GRIA2: variants seen among roughly 807,000 people sequenced by gnomAD.
GRIA2 encodes the protein glutamate receptor 2.
GRIA2 carries 14 observed loss-of-function variants against 97.3 expected under a neutral mutation model. The ratio of observed to expected loss-of-function variants is 0.14; its 90% CI spans 0.10 to 0.23. The LOEUF is 0.23. GRIA2 is among the 10% of genes least tolerant of loss of function. The pLI is 1.00. For synonymous variants in GRIA2, 412 were observed against 387.8 expected, an observed-to-expected ratio of 1.06 and a Z score of -0.73; for missense variants, 558 against 1,069.8, an observed-to-expected ratio of 0.52 and a Z score of 6.67.
intron 6 of GRIA2, among the ~76,000 whole-genome samples, chr4:157,324,620 A>G (rs920933808): frequency 6.6e-6 from 1 of 152,306 alleles, no homozygotes; most frequent in East Asian, 1.9e-4. Flanking sequence ...AGGCAACAGC[A>G]TGACAGATCC....
rs1343048509 is a variant in GRIA2, at chr4:157,364,115, T to G, written c.*684T>G. 6.6e-6 allele frequency: 1 copy of G among 152,526 alleles called. No homozygotes were observed. The highest frequency in any genetic ancestry group is 1.5e-5 in the Non-Finnish European group (1 of 68,000). The allele number at this position is 152,526 out of a possible 1,614,324, so 9.4% of individuals were successfully genotyped here. A position where few individuals can be genotyped will look rare whatever the true frequency, so the allele number is the denominator to read the frequency against. On this transcript the variant is annotated 3_prime_UTR_variant, in exon 16 of 16. Coordinates refer to ENST00000264426, the MANE Select transcript of GRIA2 (RefSeq NM_001083619.3). ...AGGCTTTAGGTATCGATTCCATATT[T>G]TTCAAAGCCAAATATGTAAATGCTA...
intron 2 of GRIA2, among the ~76,000 whole-genome samples, chr4:157,299,975 G>GTTTC (rs948489133): frequency 1.3e-5 from 2 of 152,080 alleles, no homozygotes; most frequent in African/African-American, 4.8e-5. Flanking sequence ...GAGGATTCAT[G>GTTTC]TTTCTTTCTT....
intron 12 of GRIA2, among the ~76,000 whole-genome samples, chr4:157,352,164 CT>C (rs1178287152): frequency 1.3e-5 from 2 of 152,068 alleles, no homozygotes; most frequent in African/African-American, 4.8e-5. Flanking sequence ...TGTTAAGTGA[CT>C]TTTTTATTTT....
At chr4:157,259,985 C>G (rs944758685) in intron 2 of GRIA2, among the ~76,000 whole-genome samples, 3 of 152,148 alleles carry the variant, frequency 2.0e-5, no homozygotes, top group Non-Finnish European at 4.4e-5. Context: ...GAATTCTTCT[C>G]ATTCCTACTC....
At chr4:157,261,399 T>C (rs1204998753) in intron 2 of GRIA2, among the ~76,000 whole-genome samples, 1 of 152,134 alleles carries the variant, frequency 6.6e-6, no homozygotes, top group Non-Finnish European at 1.5e-5. Context: ...CATTGCCTTG[T>C]GTATATTAAA....
chr4:157,244,070 A>T (rs560295210), intron 2 of GRIA2, among the ~76,000 whole-genome samples: 13 of 152,122 alleles, frequency 8.5e-5, no homozygotes, highest in African/African-American at 2.9e-4. Flanking sequence ...AGGAGGTAAG[A>T]CCTGAGCTGA....
rs117515606 is a variant in GRIA2 at position 157,295,148 on chromosome 4, A to G, written c.230-8404A>G. ...AATGTTATAGATTTTTTAAAGCTGC[A>G]TATAATATGGGCAACAGCAATAAAC... On this transcript the variant is annotated intron_variant, in intron 2 of 15. Coordinates refer to ENST00000264426, the MANE Select transcript of GRIA2 (RefSeq NM_001083619.3). Among the ~76,000 whole-genome samples, 91 of 152,296 alleles carry G rather than the reference A, an allele frequency of 6.0e-4. No individual in the cohort carries two copies. The East Asian group carries it at 0.01, about 17-fold the overall frequency.
At chr4:157,341,891 G>A (rs553701701) in intron 12 of GRIA2, among the ~76,000 whole-genome samples, 173 of 152,238 alleles carry the variant, frequency 1.1e-3, no homozygotes, top group South Asian at 1.0e-3. Flanking sequence ...TGAGGAAACA[G>A]ACTATGTTCA....
chr4:157,357,269 T>C (rs931823977), intron 12 of GRIA2, among the ~76,000 whole-genome samples: 2 of 152,166 alleles, frequency 1.3e-5, no homozygotes, highest in Non-Finnish European at 2.9e-5. Context: ...CTTGTCCTAA[T>C]GAATCGCAGT....
chr4:157,293,440 A>G (rs948387842), intron 2 of GRIA2, among the ~76,000 whole-genome samples: 4 of 152,160 alleles, frequency 2.6e-5, no homozygotes, highest in Non-Finnish European at 4.4e-5. Context: ...AAGCCACAAG[A>G]TAATTGTTCT....
chr4:157,238,909 T>A (rs1190487055), intron 2 of GRIA2, among the ~76,000 whole-genome samples: 2 of 152,304 alleles, frequency 1.3e-5, no homozygotes, highest in East Asian at 3.9e-4. Flanking sequence ...TTTTTTGTTA[T>A]ATAAAATAGT....
chr4:157,317,124 G>A (rs1053834029), intron 4 of GRIA2, among the ~76,000 whole-genome samples: 4 of 152,106 alleles, frequency 2.6e-5, no homozygotes, highest in African/African-American at 9.7e-5. Context: ...CTTAGGATAG[G>A]AATGTTATTT....
chr4:157,322,225 G>A (rs1734603292), intron 6 of GRIA2, among the ~76,000 whole-genome samples: 1 of 137,916 alleles, frequency 7.3e-6, no homozygotes, highest in Non-Finnish European at 1.5e-5. Context: ...GAGAGAGAGT[G>A]AGAAAGAGAG....
chr4:157,226,304 C>T (rs1481245391), intron 2 of GRIA2, among the ~76,000 whole-genome samples: 1 of 151,752 alleles, frequency 6.6e-6, no homozygotes, highest in East Asian at 1.9e-4. Context: ...CCTTTTAAAA[C>T]ATTGTAAAGA....
At chr4:157,267,818 T>C (rs529346398) in intron 2 of GRIA2, among the ~76,000 whole-genome samples, 2 of 152,248 alleles carry the variant, frequency 1.3e-5, no homozygotes, top group African/African-American at 4.8e-5. Context: ...CTGGATTTCT[T>C]TGAAATTTTA....
intron 2 of GRIA2, among the ~76,000 whole-genome samples, chr4:157,273,214 T>A (rs545753313): frequency 6.6e-6 from 1 of 152,234 alleles, no homozygotes; most frequent in Non-Finnish European, 1.5e-5. Flanking sequence ...CCATTTTATA[T>A]AATGCACTAG....
rs9991420 is a variant in GRIA2 at position 157,224,743 on chromosome 4, C to T, written c.229+2936C>T. ...TTAAGATTTTTCTCCAATGCCTATC[C>T]TTTGTTTTCTTGCCTTTTTATTCAG... is the stretch of plus-strand genomic sequence containing the variant. On this transcript the variant is annotated intron_variant, in intron 2 of 15. Coordinates refer to ENST00000264426, the MANE Select transcript of GRIA2 (RefSeq NM_001083619.3). 9.2e-3 allele frequency among the ~76,000 whole-genome samples: 1,403 copies of T among 152,178 alleles called. 30 individuals carry two copies. Among genetic ancestry groups the T allele is most frequent in the African/African-American group, 0.032 (1,327 of 41,540 alleles).
chr4:157,262,383 C>A (rs2126770894), intron 2 of GRIA2, among the ~76,000 whole-genome samples: 1 of 151,896 alleles, frequency 6.6e-6, no homozygotes, highest in Non-Finnish European at 1.5e-5. Flanking sequence ...CTTTTTTTTG[C>A]TGGATGGGCT....
At chr4:157,254,511 C>T (rs773584259) in intron 2 of GRIA2, among the ~76,000 whole-genome samples, 1 of 151,570 alleles carries the variant, frequency 6.6e-6, no homozygotes, top group Non-Finnish European at 1.5e-5. Context: ...CCCCTGAAAT[C>T]AAAAAGAAAA....
Sources: allele counts gnomAD v4.1 joint callset (sites outside exome capture counted in the v4.1 genomes callset), GRCh38; gene constraint gnomAD v4.1.1; transcripts MANE v1.5; gene names NCBI Gene and HGNC (gene_info 2026-07-23, HGNC 2026-07-21).